Variants in IGFL2 observed in about 807,000 individuals in gnomAD.
IGFL2 encodes the protein insulin growth factor-like family member 2.
Under a neutral mutation model 13.9 loss-of-function variants are expected in IGFL2, and 7 were observed. The ratio of observed to expected loss-of-function variants is 0.51; its 90% CI spans 0.29 to 0.95. The LOEUF (loss-of-function observed/expected upper bound fraction) is 0.95, where lower values mean the gene tolerates loss of function less well. IGFL2 is among the 40% of genes least tolerant of loss of function. IGFL2 has a pLI of 0.08. For synonymous variants in IGFL2, 55 were observed against 55.8 expected (o/e 0.99, Z 0.07); for missense variants, 138 against 147.8 (o/e 0.93, Z 0.34).
At chr19:46,162,544 G>A (rs555389874), downstream of IGFL2, among the ~76,000 whole-genome samples, 78 of 152,188 alleles carry the variant, frequency 5.1e-4, no homozygotes, top group African/African-American at 1.4e-3. Flanking sequence ...CAAAGAACCA[G>A]TCTTCAAGTT....
At chr19:46,139,158 G>T (rs1334282933), upstream of IGFL2, among the ~76,000 whole-genome samples, 1 of 151,842 alleles carries the variant, frequency 6.6e-6, no homozygotes, top group Non-Finnish European at 1.5e-5. Context: ...GCAACCCTGT[G>T]CAGGGTTTCC....
At chr19:46,200,303 G>T in the IGFL2 span, among the ~76,000 whole-genome samples, 1 of 151,916 alleles carries the variant, frequency 6.6e-6, no homozygotes, top group East Asian at 1.9e-4. Flanking sequence ...GAGTAGCTGG[G>T]TCTACAGGCC....
At chr19:46,126,183 G>A in the IGFL2 span, among the ~76,000 whole-genome samples, 2 of 152,024 alleles carry the variant, frequency 1.3e-5, no homozygotes, top group African/African-American at 2.4e-5. Flanking sequence ...TTTGGAAGGC[G>A]AATAGAAAAA....
the IGFL2 span, chr19:46,207,093 C>T: frequency 6.6e-6 from 1 of 152,264 alleles, no homozygotes; most frequent in African/African-American, 2.4e-5. Context: ...ACAGTTCTCA[C>T]CAAGGCTCAT....
At chr19:46,094,034 ATT>A in the IGFL2 span, among the ~76,000 whole-genome samples, 3,193 of 114,204 alleles carry the variant, frequency 0.028, 41 homozygotes, top group African/African-American at 0.047. Flanking sequence ...GCCTTGGAGG[ATT>A]TTTTTTTTTT....
the IGFL2 span, among the ~76,000 whole-genome samples, chr19:46,122,191 A>C: frequency 6.6e-6 from 1 of 150,914 alleles, no homozygotes; most frequent in Non-Finnish European, 1.5e-5. Flanking sequence ...GACTTTCCCC[A>C]CATTGTTGAT....
At chr19:46,095,917 T>C in the IGFL2 span, among the ~76,000 whole-genome samples, 1 of 152,216 alleles carries the variant, frequency 6.6e-6, no homozygotes, top group South Asian at 2.1e-4. Flanking sequence ...AGTACCATGC[T>C]GTAGCCTTGT....
chr19:46,157,876 T>C (rs1362473744), intron 1 of IGFL2, among the ~76,000 whole-genome samples: 1 of 152,230 alleles, frequency 6.6e-6, no homozygotes, highest in Non-Finnish European at 1.5e-5. Context: ...CAACTGTCTA[T>C]GTAAACAGTC....
At chr19:46,179,698 G>A in the IGFL2 span, among the ~76,000 whole-genome samples, 1 of 152,074 alleles carries the variant, frequency 6.6e-6, no homozygotes, top group Non-Finnish European at 1.5e-5. Context: ...AGGCCACGAG[G>A]GGAGGTCAGG....
the IGFL2 span, chr19:46,211,510 ATT>A: frequency 6.6e-6 from 1 of 151,898 alleles, no homozygotes; most frequent in African/African-American, 2.4e-5. Context: ...GATTCCTTCT[ATT>A]TTTTCCTGGC....
At chr19:46,137,425 G>A in the IGFL2 span, 4 of 1,026,612 alleles carry the variant, frequency 3.9e-6, no homozygotes, top group Middle Eastern at 2.1e-4. Context: ...CGGAAGGATG[G>A]ACATTGTAAT....
chr19:46,123,801 C>G, the IGFL2 span: 5 of 1,442,600 alleles, frequency 3.5e-6, no homozygotes, highest in East Asian at 1.2e-4. Flanking sequence ...GTTAGAACTC[C>G]ACAAACAGGA....
At chr19:46,136,484 A>G in the IGFL2 span, among the ~76,000 whole-genome samples, 3 of 152,164 alleles carry the variant, frequency 2.0e-5, no homozygotes, top group African/African-American at 7.2e-5. Context: ...AAAAAATCAC[A>G]TGATATTGGG....
At chr19:46,128,579 C>T in the IGFL2 span, among the ~76,000 whole-genome samples, 1 of 152,128 alleles carries the variant, frequency 6.6e-6, no homozygotes, top group Non-Finnish European at 1.5e-5. Context: ...TCTCAAAAGC[C>T]TTTTCTGCAT....
the IGFL2 span, among the ~76,000 whole-genome samples, chr19:46,182,875 ATC>A: frequency 1.3e-5 from 2 of 151,004 alleles, no homozygotes; most frequent in Admixed American, 6.6e-5. Context: ...TCTCTCTGTC[ATC>A]TCTCTTGTCT....
At chr19:46,143,933 C>T (rs1464169462), upstream of IGFL2, among the ~76,000 whole-genome samples, 15 of 152,196 alleles carry the variant, frequency 9.9e-5, no homozygotes, top group Non-Finnish European at 2.2e-4. Flanking sequence ...CAGGCAACCC[C>T]AACTGGGGCT....
downstream of IGFL2, chr19:46,161,319 T>A (rs1306211904): frequency 1.7e-4 from 18 of 104,024 alleles, no homozygotes; most frequent in East Asian, 4.0e-4. Flanking sequence ...GTCTCCTTTC[T>A]TTTTTTTTTT....
chr19:46,175,688 G>A, the IGFL2 span, among the ~76,000 whole-genome samples: 2 of 151,716 alleles, frequency 1.3e-5, no homozygotes, highest in African/African-American at 4.8e-5. Context: ...ACAGGCGCCC[G>A]CCACCACACC....
chr19:46,152,468 C>T (rs1303308194), intron 1 of IGFL2, among the ~76,000 whole-genome samples: 1 of 151,844 alleles, frequency 6.6e-6, no homozygotes, highest in African/African-American at 2.4e-5. Context: ...TATTTTTATA[C>T]AGATGGGGTC....
Sources: allele counts gnomAD v4.1 joint callset (sites outside exome capture counted in the v4.1 genomes callset), GRCh38; gene constraint gnomAD v4.1.1; transcripts MANE v1.5; gene names NCBI Gene and HGNC (gene_info 2026-07-23, HGNC 2026-07-21).